The following DLGAP2 variants were observed in gnomAD, a reference collection of about 807,000 sequenced individuals.
The protein encoded by DLGAP2 is disks large-associated protein 2.
A neutral mutation model predicts 100.3 loss-of-function variants in DLGAP2; 26 were observed. The observed-to-expected ratio is 0.26, with a 90% confidence interval of 0.19 to 0.36. The LOEUF (loss-of-function observed/expected upper bound fraction) is 0.36. DLGAP2 is among the 10% of genes least tolerant of loss of function. DLGAP2 has a pLI of 1.00. For synonymous variants in DLGAP2, 886 were observed against 630.1 expected (o/e 1.41, Z -6.08); for missense variants, 1,858 against 1,453.2 (o/e 1.28, Z -4.53).
At chr8:1,087,461 C>G (rs1174135401) in intron 2 of DLGAP2, among the ~76,000 whole-genome samples, 2 of 152,032 alleles carry the variant, frequency 1.3e-5, no homozygotes, top group Non-Finnish European at 2.9e-5. Flanking sequence ...TTGTGTGTGA[C>G]TCTTGCAGTA....
At chr8:1,194,243 G>C (rs1021921716) in intron 2 of DLGAP2, among the ~76,000 whole-genome samples, 1 of 152,102 alleles carries the variant, frequency 6.6e-6, no homozygotes, top group Non-Finnish European at 1.5e-5. Context: ...TCAGCTGCTG[G>C]CAAGTTGGAA....
At chr8:973,900 G>C (rs577163196) in intron 2 of DLGAP2, among the ~76,000 whole-genome samples, 1 of 136,692 alleles carries the variant, frequency 7.3e-6, no homozygotes, top group Non-Finnish European at 1.5e-5. Context: ...CGCCACCGCC[G>C]CCACCGCCAC....
intron 12 of DLGAP2, among the ~76,000 whole-genome samples, chr8:1,691,242 G>A (rs945552129): frequency 6.6e-6 from 1 of 152,072 alleles, no homozygotes; most frequent in Admixed American, 6.6e-5. Context: ...AAATAATCTC[G>A]ATGCCAAAAT....
At chr8:980,426 A>G (rs1800296437) in intron 2 of DLGAP2, among the ~76,000 whole-genome samples, 1 of 152,240 alleles carries the variant, frequency 6.6e-6, no homozygotes. Flanking sequence ...TTGCAGTTAA[A>G]CTGCATGTAA....
intron 1 of DLGAP2, among the ~76,000 whole-genome samples, chr8:836,300 G>A (rs1000053089): frequency 6.6e-6 from 1 of 152,194 alleles, no homozygotes; most frequent in African/African-American, 2.4e-5. Flanking sequence ...TGGAGTAGAC[G>A]CTGTGCAGCC....
At chr8:1,426,230 C>A (rs73172516) in intron 3 of DLGAP2, among the ~76,000 whole-genome samples, 32,196 of 152,086 alleles carry the variant, frequency 0.21, 3,828 homozygotes, top group Middle Eastern at 0.29. Context: ...ATGATGAGAA[C>A]AGAGGCAGAT....
intron 3 of DLGAP2, among the ~76,000 whole-genome samples, chr8:1,454,828 A>G (rs1798260140): frequency 6.6e-6 from 1 of 152,020 alleles, no homozygotes; most frequent in South Asian, 2.1e-4. Context: ...GACCTTCGAT[A>G]CCCCATCAGG....
intron 3 of DLGAP2, among the ~76,000 whole-genome samples, chr8:1,466,248 T>A (rs936049703): frequency 1.3e-5 from 2 of 152,138 alleles, no homozygotes; most frequent in African/African-American, 4.8e-5. Flanking sequence ...GGGCTTTGCT[T>A]TTTTATCATT....
At chr8:739,978 C>G (rs950921325) in intron 1 of DLGAP2, 3 of 152,238 alleles carry the variant, frequency 2.0e-5, no homozygotes, top group African/African-American at 7.2e-5. Flanking sequence ...CGCGTGGGAT[C>G]TGCTCTCAGT....
At chr8:1,508,065 C>G (rs1436206170) in intron 4 of DLGAP2, among the ~76,000 whole-genome samples, 1 of 151,970 alleles carries the variant, frequency 6.6e-6, no homozygotes, top group Non-Finnish European at 1.5e-5. Context: ...CCAGGGCACA[C>G]TGCATTTTAA....
chr8:1,206,526 G>A (rs1292739971), intron 2 of DLGAP2, among the ~76,000 whole-genome samples: 518 of 145,722 alleles, frequency 3.6e-3, no homozygotes, highest in Middle Eastern at 0.011. Context: ...CCAGCCATCC[G>A]TGGACTGGGG....
At chr8:944,370 A>G (rs185519641) in intron 2 of DLGAP2, among the ~76,000 whole-genome samples, 2 of 152,080 alleles carry the variant, frequency 1.3e-5, no homozygotes, top group Admixed American at 1.3e-4. Context: ...TGAGTGATCC[A>G]GTGAGTGGTA....
At chr8:1,187,963 C>T (rs555525619) in intron 2 of DLGAP2, among the ~76,000 whole-genome samples, 6 of 120,768 alleles carry the variant, frequency 5.0e-5, no homozygotes, top group Non-Finnish European at 7.8e-5. Flanking sequence ...GTTTCCCTCA[C>T]GGAATCTCAA....
intron 1 of DLGAP2, among the ~76,000 whole-genome samples, chr8:754,677 C>G (rs145068593): frequency 7.2e-5 from 11 of 152,114 alleles, no homozygotes; most frequent in African/African-American, 2.7e-4. Context: ...TAGTGAGACC[C>G]CACCTCTAAA....
chr8:1,259,862 G>A (rs59283899), intron 3 of DLGAP2: 27,542 of 152,214 alleles, frequency 0.18, 2,609 homozygotes, highest in Admixed American at 0.24. Flanking sequence ...CCCTTATTTG[G>A]TGGTTAAGGG....
chr8:1,153,966 C>G (rs1796738249), intron 2 of DLGAP2, among the ~76,000 whole-genome samples: 1 of 152,016 alleles, frequency 6.6e-6, no homozygotes, highest in Non-Finnish European at 1.5e-5. Context: ...TTGCAGTGAT[C>G]TTATTTTTCA....
intron 3 of DLGAP2, among the ~76,000 whole-genome samples, chr8:1,333,403 G>T (rs1041038826): frequency 1.3e-5 from 2 of 152,144 alleles, no homozygotes; most frequent in Admixed American, 6.5e-5. Flanking sequence ...CTAATGTCCA[G>T]GGCCGTCTTC....
At chr8:1,571,710 G>C (rs1273097512) in intron 6 of DLGAP2, among the ~76,000 whole-genome samples, 6 of 139,796 alleles carry the variant, frequency 4.3e-5, no homozygotes, top group Non-Finnish European at 9.3e-5. Context: ...AGGAGAGAGG[G>C]TGAACTGTGG....
chr8:1,551,394 G>A (rs1801761779), intron 5 of DLGAP2, among the ~76,000 whole-genome samples: 1 of 152,162 alleles, frequency 6.6e-6, no homozygotes, highest in East Asian at 1.9e-4. Context: ...TCAGGACACT[G>A]TCAGAGCCTC....
Sources: gnomAD v4.1 joint callset for allele counts (sites outside exome capture counted in the v4.1 genomes callset) on GRCh38, gnomAD v4.1.1 for gene constraint, MANE v1.5 for transcripts, NCBI Gene and HGNC (gene_info 2026-07-23, HGNC 2026-07-21) for gene names.